Variants in FMN1 observed in about 807,000 individuals in gnomAD.
The protein encoded by FMN1 is formin-1.
Under a neutral mutation model 132.4 loss-of-function variants are expected in FMN1, and 110 were observed. That is an observed-to-expected ratio of 0.83 (90% CI 0.71 to 0.97). The LOEUF is 0.97. Among genes scored for constraint, FMN1 ranks in the 50% least tolerant of loss-of-function variants. The pLI is 0.00. For missense variants in FMN1, 1,792 were observed against 1,705.3 expected, an observed-to-expected ratio of 1.05 and a Z score of -0.90; for synonymous variants, 722 against 651.7, an observed-to-expected ratio of 1.11 and a Z score of -1.64.
At chr15:32,933,012 T>C (rs925181578) in intron 9 of FMN1, among the ~76,000 whole-genome samples, 4 of 152,184 alleles carry the variant, frequency 2.6e-5, no homozygotes, top group Admixed American at 2.0e-4. Context: ...CCTTATTTCA[T>C]TTCTTTTACT....
At chr15:33,118,833 A>C (rs1251419917) in intron 4 of FMN1, among the ~76,000 whole-genome samples, 2 of 152,062 alleles carry the variant, frequency 1.3e-5, no homozygotes, top group African/African-American at 2.4e-5. Flanking sequence ...AATTTCAAAC[A>C]ATTTCTAGTC....
At chr15:33,088,689 A>C in intron 5 of FMN1, 110 bp downstream of exon 5, 1 of 953,894 alleles carries the variant, frequency 1.0e-6, no homozygotes, top group Non-Finnish European at 1.5e-6. Context: ...TTAAACAATG[A>C]TCCATACATT....
chr15:32,864,571 C>A (rs1281974377), intron 16 of FMN1, among the ~76,000 whole-genome samples: 1 of 152,138 alleles, frequency 6.6e-6, no homozygotes, highest in African/African-American at 2.4e-5. Flanking sequence ...CTCTATTCAT[C>A]CAAAGGCAAG....
At position 33,160,472 on chromosome 15, in the gene FMN1, A is replaced by G. The variant is rs76910985; in HGVS notation, c.-131-5427T>C. Among the ~76,000 whole-genome samples the G allele has an allele frequency of 4.4e-3, 671 of 152,350 alleles. 32 individuals carry two copies. In the East Asian group the frequency reaches 0.062, roughly 14 times the overall value. On this transcript the variant is annotated intron_variant, in intron 3 of 20. Transcript: ENST00000616417. ...GGCAAACTCTTCTCTGTGACAACCC[A>G]TTAGAAAGTCAGAATGCAGTATGGA...
At chr15:33,021,828 T>C (rs1346163859) in intron 6 of FMN1, among the ~76,000 whole-genome samples, 1 of 152,228 alleles carries the variant, frequency 6.6e-6, no homozygotes, top group Admixed American at 6.5e-5. Flanking sequence ...CATGAATATA[T>C]GGTCCCTAAA....
chr15:33,183,699 T>C (rs1259737516), intron 2 of FMN1, among the ~76,000 whole-genome samples: 1 of 152,164 alleles, frequency 6.6e-6, no homozygotes, highest in Admixed American at 6.5e-5. Context: ...TACCCAGAGG[T>C]TGTATGCACT....
chr15:32,865,137 G>GT (rs1458722826), intron 16 of FMN1, among the ~76,000 whole-genome samples: 13 of 152,104 alleles, frequency 8.5e-5, no homozygotes, highest in Non-Finnish European at 1.3e-4. Flanking sequence ...AGCTAAGGGG[G>GT]TAAGGGAGAA....
chr15:32,916,251 C>G (rs912514260), intron 10 of FMN1, among the ~76,000 whole-genome samples: 2 of 152,246 alleles, frequency 1.3e-5, no homozygotes, highest in African/African-American at 4.8e-5. Context: ...TTCACAAGAC[C>G]AGGGTTAAGT....
intron 6 of FMN1, chr15:33,012,963 C>T (rs760116165): frequency 2.1e-6 from 1 of 466,826 alleles, no homozygotes; most frequent in Admixed American, 2.4e-5. Context: ...ACTTTGGAGG[C>T]AAAAGCTCTG....
chr15:32,820,146 C>A (rs2058170433), intron 17 of FMN1, among the ~76,000 whole-genome samples: 1 of 152,114 alleles, frequency 6.6e-6, no homozygotes, highest in African/African-American at 2.4e-5. Flanking sequence ...TCTAAAAACT[C>A]CCTGTATTGT....
intron 17 of FMN1, among the ~76,000 whole-genome samples, chr15:32,847,523 A>G (rs960992241): frequency 4.6e-5 from 7 of 151,772 alleles, no homozygotes; most frequent in Non-Finnish European, 7.4e-5. Flanking sequence ...ACTTGAGGTC[A>G]GGAGTTCCAG....
chr15:32,932,046 C>A (rs182880834), intron 9 of FMN1, among the ~76,000 whole-genome samples: 89 of 152,190 alleles, frequency 5.8e-4, no homozygotes, highest in African/African-American at 2.1e-3. Flanking sequence ...ACCTTCCTTG[C>A]ATTTGAGAGA....
At chr15:33,023,914 C>T (rs1311738508) in intron 6 of FMN1, among the ~76,000 whole-genome samples, 1 of 152,086 alleles carries the variant, frequency 6.6e-6, no homozygotes, top group Non-Finnish European at 1.5e-5. Flanking sequence ...TTTAGTGATT[C>T]AGCTATATTA....
intron 6 of FMN1, among the ~76,000 whole-genome samples, chr15:33,020,025 C>G (rs1341063176): frequency 6.6e-6 from 1 of 152,160 alleles, no homozygotes; most frequent in Non-Finnish European, 1.5e-5. Flanking sequence ...GCTGTCACCT[C>G]TCACTATGCT....
At chr15:32,970,651 AAAG>A (rs1164461612) in intron 7 of FMN1, 1 of 152,208 alleles carries the variant, frequency 6.6e-6, no homozygotes, top group Non-Finnish European at 1.5e-5. Context: ...TTGAAAAAGT[AAAG>A]AAATATTTTA....
chr15:33,082,093 ATGTGTGTGTGTGTGTGTGTGTGTG>A (rs61138142), intron 5 of FMN1, among the ~76,000 whole-genome samples: 4 of 120,334 alleles, frequency 3.3e-5, no homozygotes, highest in African/African-American at 1.1e-4. Flanking sequence ...CTGGAAAACA[ATGTGTGTGTGTGTGTGTGTGTGTG>A]TGTGTGTGTG....
chr15:32,849,028 T>C (rs2058937198), intron 17 of FMN1, among the ~76,000 whole-genome samples: 1 of 128,280 alleles, frequency 7.8e-6, no homozygotes, highest in African/African-American at 2.8e-5. Flanking sequence ...CTGTCACCCA[T>C]GCTGGAGTGC....
intron 7 of FMN1, among the ~76,000 whole-genome samples, chr15:32,989,355 G>A (rs1314937690): frequency 1.3e-5 from 2 of 152,168 alleles, no homozygotes; most frequent in African/African-American, 2.4e-5. Context: ...CGAGGAGGAA[G>A]CCTTAGGGAA....
At chr15:32,976,660 C>T (rs930038154) in intron 7 of FMN1, among the ~76,000 whole-genome samples, 1 of 152,116 alleles carries the variant, frequency 6.6e-6, no homozygotes, top group Non-Finnish European at 1.5e-5. Context: ...ACATGAGGCA[C>T]ATTTGACACA....
Sources: allele counts gnomAD v4.1 joint callset (sites outside exome capture counted in the v4.1 genomes callset), GRCh38; gene constraint gnomAD v4.1.1; transcripts MANE v1.5; gene names NCBI Gene and HGNC (gene_info 2026-07-23, HGNC 2026-07-21).